Variants in PMS2 observed in about 807,000 individuals in gnomAD.
PMS2 encodes PMS1 homolog 2, mismatch repair system component.
PMS2 carries 69 observed loss-of-function variants against 90.0 expected under a neutral mutation model. That is an observed-to-expected ratio of 0.77 (90% CI 0.63 to 0.94). The LOEUF is 0.94. Among genes scored for constraint, PMS2 ranks in the 40% least tolerant of loss-of-function variants. The pLI is 0.00. For synonymous variants in PMS2, 332 were observed against 375.1 expected, an observed-to-expected ratio of 0.89 and a Z score of 1.33; for missense variants, 966 against 1,040.2, an observed-to-expected ratio of 0.93 and a Z score of 0.98.
intron 10 of PMS2, among the ~76,000 whole-genome samples, chr7:5,988,506 C>A (rs769994624): frequency 6.6e-6 from 1 of 151,750 alleles, no homozygotes; most frequent in African/African-American, 2.4e-5. Flanking sequence ...AGGGTTGCAG[C>A]GAGCCAAGAT....
At chr7:6,005,810 T>C (rs962612932) in intron 2 of PMS2, 82 bp downstream of exon 2, 18 of 1,599,288 alleles carry the variant, frequency 1.1e-5, no homozygotes, top group Non-Finnish European at 1.5e-5. Flanking sequence ...CACTTGATAG[T>C]CTTATTTCAA....
At chr7:5,983,491 A>G (rs1782528752) in intron 11 of PMS2, among the ~76,000 whole-genome samples, 1 of 151,726 alleles carries the variant, frequency 6.6e-6, no homozygotes, top group African/African-American at 2.4e-5. Context: ...ACTATTAACG[A>G]TTTAAATGGA....
intron 5 of PMS2, among the ~76,000 whole-genome samples, chr7:5,999,916 C>T (rs1484775681): frequency 2.0e-5 from 3 of 152,068 alleles, no homozygotes; most frequent in African/African-American, 4.8e-5. Context: ...CAAAGAGATA[C>T]ACAAAAATGT....
At chr7:5,993,102 G>A (rs2128761394) in intron 8 of PMS2, among the ~76,000 whole-genome samples, 1 of 152,274 alleles carries the variant, frequency 6.6e-6, no homozygotes, top group East Asian at 1.9e-4. Flanking sequence ...TGGGAGCGGT[G>A]GCTCACGCCT....
At chr7:5,985,455 G>A (rs1331529006) in intron 11 of PMS2, among the ~76,000 whole-genome samples, 1 of 151,462 alleles carries the variant, frequency 6.6e-6, no homozygotes, top group Non-Finnish European at 1.5e-5. Context: ...AGTAAAAGGT[G>A]GTTAACTACT....
At position 5,999,319 on chromosome 7, in the gene PMS2, T is replaced by C. The variant is rs914119432; in HGVS notation, c.538-44A>G. ...CACAATATTCTACATTACTTTAATA[T>C]TATAGGAATTACACAGCTCAAGTTA... On this transcript the variant is annotated intron_variant, in intron 5 of 14. Transcript: ENST00000265849. The C allele has an allele frequency of 3.9e-6, 6 of 1,537,742 alleles. No homozygotes were observed. The East Asian group carries it at 1.1e-4, about 29-fold the overall frequency.
At chr7:5,977,077 C>T (rs1484643400) in intron 14 of PMS2, among the ~76,000 whole-genome samples, 11 of 148,586 alleles carry the variant, frequency 7.4e-5, no homozygotes, top group Middle Eastern at 3.4e-3. Flanking sequence ...TTTTTTGAGA[C>T]GGAGTCTCGC....
intron 5 of PMS2, among the ~76,000 whole-genome samples, chr7:6,001,441 G>A (rs947102522): frequency 6.6e-6 from 1 of 150,766 alleles, no homozygotes; most frequent in African/African-American, 2.4e-5. Context: ...CTTGATCTCG[G>A]CTCACCGCAA....
intron 8 of PMS2, among the ~76,000 whole-genome samples, chr7:5,993,703 A>T (rs929927795): frequency 1.3e-5 from 2 of 151,272 alleles, no homozygotes; most frequent in African/African-American, 4.9e-5. Context: ...TCTACTAAAA[A>T]TACAAAAATT....
Position 5,987,220 on chromosome 7 carries a change from G to A in PMS2, c.1545C>T (p.Cys515=), listed in dbSNP as rs1057520347. Residue 515 remains cysteine (C), a synonymous_variant, in exon 11 of 15, where the codon TGC becomes TGT. Coordinates refer to ENST00000265849, the MANE Select transcript of PMS2 (RefSeq NM_000535.7). The part of the protein sequence containing the change: ...GFSIPDTGSH[C]SSEYAASSPG... ...GGGAGCTGGCCGCATACTCGCTGCT[G>A]CAGTGACTGCCCGTGTCTGGGATGC... The A allele has an allele frequency of 6.2e-7, 1 of 1,614,088 alleles. No individual in the cohort carries two copies. The highest frequency in any genetic ancestry group is 8.5e-7 in the Non-Finnish European group (1 of 1,180,020).
At chr7:5,997,521 G>A (rs757700363) in intron 6 of PMS2, 98 bp from the exon 7 acceptor site, 15 of 743,698 alleles carry the variant, frequency 2.0e-5, no homozygotes, top group Non-Finnish European at 2.8e-5. Context: ...CATTACAAGC[G>A]CAAAAAAAAT....
chr7:6,002,217 T>C (rs998445107), intron 5 of PMS2: 2 of 425,162 alleles, frequency 4.7e-6, no homozygotes, highest in African/African-American at 4.0e-5. Context: ...AAATTTTTCA[T>C]AGAGACAGGG....
chr7:5,989,817 G>A lies in PMS2; in HGVS notation c.1127C>T (p.Pro376Leu), dbSNP rs1783512400. Residue 376 changes from proline (P) to leucine (L), a missense_variant, in exon 10 of 15, where the codon CCA becomes CTA. Coordinates refer to ENST00000265849, the MANE Select transcript of PMS2 (RefSeq NM_000535.7). ...TTTCTTACCTTCAACATCCAGCAGT[G>A]GCTGCTGACTGACATTTAGCTTGTT... ...DVNKLNVSQQ[P>L]LLDVEGNLIK... 1 of 1,612,128 alleles carries A rather than the reference G, an allele frequency of 6.2e-7. No homozygotes were observed. The highest frequency in any genetic ancestry group is 1.3e-5 in the African/African-American group (1 of 74,886).
chr7:5,989,097 G>A (rs1054514087), intron 10 of PMS2, among the ~76,000 whole-genome samples: 7 of 152,058 alleles, frequency 4.6e-5, no homozygotes, highest in South Asian at 4.1e-4. Flanking sequence ...TGAGCCGCCC[G>A]CCTTGGCCTC....
chr7:6,006,085 C>G (rs1785732486), intron 1 of PMS2, 54 bp from the exon 2 acceptor site: 1 of 1,595,456 alleles, frequency 6.3e-7, no homozygotes, highest in Non-Finnish European at 8.6e-7. Context: ...ATATTTTCAT[C>G]CTGATTTTAA....
intron 10 of PMS2, among the ~76,000 whole-genome samples, chr7:5,989,474 T>C (rs1194703960): frequency 2.0e-5 from 3 of 152,028 alleles, no homozygotes; most frequent in African/African-American, 7.2e-5. Flanking sequence ...ATGCAGTCAC[T>C]GCAGACTTCT....
At chr7:5,998,922 G>A (rs1025264033) in intron 6 of PMS2, among the ~76,000 whole-genome samples, 186 bp downstream of exon 6, 3 of 150,332 alleles carry the variant, frequency 2.0e-5, no homozygotes, top group East Asian at 1.9e-4. Flanking sequence ...TCTGGGAGGC[G>A]GAGGTTGCAG....
At position 6,003,868 on chromosome 7, in the gene PMS2, T is replaced by C. The variant is rs987911482; in HGVS notation, c.251-76A>G. 76 of 1,273,882 alleles carry C rather than the reference T, an allele frequency of 6.0e-5. No homozygotes were observed. The African/African-American group carries it at 1.1e-3, about 18-fold the overall frequency. The allele number at this position is 1,273,882 out of a possible 1,614,324, so 78.9% of individuals were successfully genotyped here. A position where few individuals can be genotyped will look rare whatever the true frequency, so the allele number is the denominator to read the frequency against. On this transcript the variant is annotated intron_variant, in intron 3 of 14. Coordinates refer to ENST00000265849, the MANE Select transcript of PMS2 (RefSeq NM_000535.7). ...CAAAATATACATGATATCTAGTAAC[T>C]GGCTTTAAAAAACTGTTTTTGCATT...
At chr7:5,985,970 A>G (rs1381573024) in intron 11 of PMS2, among the ~76,000 whole-genome samples, 14 of 121,098 alleles carry the variant, frequency 1.2e-4, no homozygotes, top group African/African-American at 4.1e-4. Context: ...GTGATGACAC[A>G]GGAACTCCTG....
Sources: gnomAD v4.1 joint callset for allele counts (sites outside exome capture counted in the v4.1 genomes callset) on GRCh38, gnomAD v4.1.1 for gene constraint, MANE v1.5 for transcripts, NCBI Gene and HGNC (gene_info 2026-07-23, HGNC 2026-07-21) for gene names.